The following CDC14B variants were observed in gnomAD, a reference collection of about 807,000 sequenced individuals.
CDC14B encodes dual specificity protein phosphatase CDC14B.
CDC14B carries 22 observed loss-of-function variants against 64.2 expected under a neutral mutation model. The ratio of observed to expected loss-of-function variants is 0.34; its 90% confidence interval spans 0.24 to 0.49. The LOEUF (loss-of-function observed/expected upper bound fraction) is 0.49, where lower values mean the gene tolerates loss of function less well. CDC14B is among the 20% of genes least tolerant of loss of function. The pLI is 0.99. For synonymous variants in CDC14B, 191 were observed against 215.8 expected, an observed-to-expected ratio of 0.89 and a Z score of 1.01; for missense variants, 498 against 629.9, an observed-to-expected ratio of 0.79 and a Z score of 2.24.
chr9:96,566,648 C>T (rs749326370), intron 1 of CDC14B: 19 of 937,698 alleles, frequency 2.0e-5, no homozygotes, highest in Non-Finnish European at 2.9e-5. Flanking sequence ...AGGCCACCCA[C>T]ACGCAGGAGA....
At chr9:96,595,165 A>C (rs1846000857) in intron 1 of CDC14B, among the ~76,000 whole-genome samples, 1 of 152,164 alleles carries the variant, frequency 6.6e-6, no homozygotes, top group Non-Finnish European at 1.5e-5. Context: ...GAAAAAGAAA[A>C]ATTAGCCCTC....
In CDC14B at chr9:96,549,729, T is replaced by C. The variant is rs192470427; in HGVS notation, c.497+2067A>G. Among the ~76,000 whole-genome samples, 350 of 152,150 alleles carry C rather than the reference T, an allele frequency of 2.3e-3. 4 individuals are homozygous for C. The highest frequency in any genetic ancestry group is 7.9e-3 in the African/African-American group (330 of 41,542). ...TACCTAGTATCTACAATAGAAGAGA[T>C]TCAAATTCCACAAAGCTGAATGGTT... On this transcript the variant is annotated intron_variant, in intron 5 of 13. Transcript: ENST00000375241.
chr9:96,498,989 G>A (rs1323577502), downstream of CDC14B, among the ~76,000 whole-genome samples: 2 of 152,212 alleles, frequency 1.3e-5, no homozygotes, highest in Non-Finnish European at 2.9e-5. Flanking sequence ...GACATGCCTC[G>A]TGGTTTCATC....
chr9:96,618,859 C>A (rs1486236504), intron 1 of CDC14B: 5 of 325,798 alleles, frequency 1.5e-5, no homozygotes, highest in African/African-American at 2.3e-5. Flanking sequence ...GCTCGCAATC[C>A]CTGAAGGCGG....
downstream of CDC14B, chr9:96,496,224 T>C (rs560297442): frequency 1.1e-5 from 5 of 466,310 alleles, no homozygotes; most frequent in African/African-American, 2.0e-5. Flanking sequence ...GAGGCTTCAA[T>C]TGCACCTGGA....
At position 96,551,877 on chromosome 9, in the gene CDC14B, G is replaced by A; in HGVS notation, c.421-5C>T. Reference sequence around the variant, plus strand: ...GGTTCTCCCCAAATATATAACCTATGTTTGAAAAAAGAAGAAAAAGGCAAT... The same window carrying A: ...GGTTCTCCCCAAATATATAACCTATATTTGAAAAAAGAAGAAAAAGGCAAT... On this transcript the variant is annotated splice_polypyrimidine_tract_variant and splice_region_variant and intron_variant, in intron 4 of 13. Transcript: ENST00000375241. 1 of 1,594,794 alleles carries A rather than the reference G, an allele frequency of 6.3e-7. No homozygotes were observed. The highest frequency in any genetic ancestry group is 8.5e-7 in the Non-Finnish European group (1 of 1,173,836).
intron 1 of CDC14B, among the ~76,000 whole-genome samples, chr9:96,617,719 A>G (rs1588089566): frequency 6.6e-6 from 1 of 152,322 alleles, no homozygotes; most frequent in East Asian, 1.9e-4. Flanking sequence ...AGAGAAGGAC[A>G]CTTGGAGACT....
chr9:96,516,931 G>A (rs541658168), intron 12 of CDC14B, among the ~76,000 whole-genome samples: 7 of 152,040 alleles, frequency 4.6e-5, no homozygotes, highest in South Asian at 2.1e-4. Flanking sequence ...TGGGATTACA[G>A]GCATGTGCCA....
chr9:96,496,900 C>G (rs927278536), downstream of CDC14B, among the ~76,000 whole-genome samples: 1 of 152,252 alleles, frequency 6.6e-6, no homozygotes, highest in Non-Finnish European at 1.5e-5. Context: ...GGGGCAGCAA[C>G]AGCCCGGGGC....
At chr9:96,609,106 A>T (rs1564393220) in intron 1 of CDC14B, among the ~76,000 whole-genome samples, 1 of 152,176 alleles carries the variant, frequency 6.6e-6, no homozygotes, top group Non-Finnish European at 1.5e-5. Flanking sequence ...CTGAGATTAC[A>T]GGTGCATGCC....
intron 5 of CDC14B, among the ~76,000 whole-genome samples, chr9:96,547,466 A>T (rs936116161): frequency 7.1e-6 from 1 of 140,484 alleles, no homozygotes; most frequent in South Asian, 2.3e-4. Context: ...AGTCTGTCTT[A>T]AAAAAAAAAA....
intron 3 of CDC14B, among the ~76,000 whole-genome samples, chr9:96,564,507 TTAAC>T (rs1486797289): frequency 3.9e-5 from 6 of 152,228 alleles, no homozygotes; most frequent in Non-Finnish European, 7.3e-5. Context: ...GTTCACTTAA[TTAAC>T]TGATTCCCAC....
At chr9:96,549,067 A>G (rs1394199813) in intron 5 of CDC14B, among the ~76,000 whole-genome samples, 1 of 152,234 alleles carries the variant, frequency 6.6e-6, no homozygotes, top group Non-Finnish European at 1.5e-5. Context: ...TAAGTTCTAT[A>G]GAACACTATG....
At position 96,619,470 on chromosome 9, in the gene CDC14B, G is replaced by A; in HGVS notation, c.-92C>T. 5.7e-6 allele frequency: 4 copies of A among 706,472 alleles called. No homozygotes were observed. The highest frequency in any genetic ancestry group is 6.9e-6 in the Non-Finnish European group (4 of 578,272). The allele number at this position is 706,472 out of a possible 1,614,324, so 43.8% of individuals were successfully genotyped here. ...TCCCGCCAGCCCCGCGCGGGCGCTC[G>A]GGGCGGCGGGCGCAGAGCGGCGCTG... On this transcript the variant is annotated 5_prime_UTR_variant, in exon 1 of 14. It introduces an in-frame stop codon into an upstream open reading frame of the 5' UTR. Coordinates refer to ENST00000375241, the MANE Select transcript of CDC14B (RefSeq NM_033331.4).
Position 96,609,171 on chromosome 9 carries a change from C to T in CDC14B, c.160+10048G>A, listed in dbSNP as rs116577202. On this transcript the variant is annotated intron_variant, in intron 1 of 13. Transcript: ENST00000375241. Reference sequence around the variant, plus strand: ...TAGAGATGGGGTATCACCATGTTGACCAGGCTGGCCTTGAATTCCTGTCCT... The same window carrying T: ...TAGAGATGGGGTATCACCATGTTGATCAGGCTGGCCTTGAATTCCTGTCCT... Among the ~76,000 whole-genome samples, 366 of 152,200 alleles carry T rather than the reference C, an allele frequency of 2.4e-3. 1 individual carries two copies. Among genetic ancestry groups the T allele is most frequent in the African/African-American group, 8.5e-3 (352 of 41,518 alleles).
At chr9:96,615,922 C>T (rs149825222) in intron 1 of CDC14B, among the ~76,000 whole-genome samples, 82 of 152,322 alleles carry the variant, frequency 5.4e-4, no homozygotes, top group African/African-American at 1.9e-3. Context: ...CAGACACATA[C>T]ATTGATGCTA....
chr9:96,610,649 C>CAAA (rs58120277), intron 1 of CDC14B, among the ~76,000 whole-genome samples: 3 of 131,684 alleles, frequency 2.3e-5, no homozygotes, highest in Non-Finnish European at 3.4e-5. Context: ...TAAATGACCA[C>CAAA]AAAAAAAAAA....
chr9:96,514,259 G>A (rs1835306112), intron 12 of CDC14B: 1 of 224,710 alleles, frequency 4.5e-6, no homozygotes. Flanking sequence ...AGCATTATTT[G>A]CAACTGCTCC....
chr9:96,521,385 C>T (rs544610944), intron 12 of CDC14B, among the ~76,000 whole-genome samples: 11 of 152,262 alleles, frequency 7.2e-5, no homozygotes, highest in African/African-American at 2.6e-4. Context: ...GGCCAAAAGG[C>T]ACCATTTTTA....
Sources: gnomAD v4.1 joint callset for allele counts (sites outside exome capture counted in the v4.1 genomes callset) on GRCh38, gnomAD v4.1.1 for gene constraint, MANE v1.5 for transcripts, NCBI Gene and HGNC (gene_info 2026-07-23, HGNC 2026-07-21) for gene names.